The following TENM1 variants were observed in gnomAD, a reference collection of about 807,000 sequenced individuals.
TENM1 encodes the protein teneurin transmembrane protein 1, also known as teneurin-1.
In TENM1, 35 loss-of-function variants were observed where a neutral mutation model predicts 174.8. That is an observed-to-expected ratio of 0.20 (90% CI 0.15 to 0.27). The LOEUF is 0.27. Ranked by LOEUF, TENM1 falls within the 10% of genes least tolerant of loss-of-function variation. TENM1 has a pLI of 1.00. For missense variants in TENM1, 1,633 were observed against 2,130.1 expected (o/e 0.77, Z 4.59); for synonymous variants, 781 against 798.7 (o/e 0.98, Z 0.37).
intron 3 of TENM1, among the ~76,000 whole-genome samples, chrX:124,752,285 GTCT>G (rs2054094543): frequency 8.9e-6 from 1 of 111,977 alleles, no homozygotes; most frequent in Admixed American, 9.5e-5. Flanking sequence ...CTGCATAAAT[GTCT>G]TCTTTTGAGA....
chrX:125,048,967 G>T, the TENM1 span, among the ~76,000 whole-genome samples: 2 of 111,438 alleles, frequency 1.8e-5, no homozygotes, highest in Non-Finnish European at 3.8e-5. Flanking sequence ...TAATAGTACC[G>T]ATGTACATAT....
the TENM1 span, among the ~76,000 whole-genome samples, chrX:124,975,890 A>G: frequency 9.0e-6 from 1 of 111,492 alleles, no homozygotes; most frequent in South Asian, 3.7e-4. Flanking sequence ...TCTAAAAGGA[A>G]GCTCTAGACC....
the TENM1 span, among the ~76,000 whole-genome samples, chrX:125,044,362 A>C: frequency 0.24 from 25,838 of 108,862 alleles, 3,109 homozygotes; most frequent in African/African-American, 0.46. Context: ...CTGAGGTGGA[A>C]GGATCTCTTG....
the TENM1 span, among the ~76,000 whole-genome samples, chrX:125,055,678 G>C: frequency 8.9e-6 from 1 of 111,874 alleles, no homozygotes; most frequent in East Asian, 2.8e-4. Flanking sequence ...GTTCTGAAAA[G>C]GAACAGACCA....
chrX:124,565,656 T>C, intron 11 of TENM1, 96 bp from the exon 15 acceptor site: 4 of 539,263 alleles, frequency 7.4e-6, no homozygotes, highest in Non-Finnish European at 1.0e-5. Flanking sequence ...TCCCTGTCTA[T>C]ATTTATATTT....
the TENM1 span, among the ~76,000 whole-genome samples, chrX:124,981,677 T>G: frequency 2.7e-5 from 3 of 111,382 alleles, no homozygotes; most frequent in Non-Finnish European, 5.7e-5. Flanking sequence ...GCAATATGTT[T>G]GACCCATTTG....
chrX:124,497,876 T>C (rs1348118262), intron 19 of TENM1, among the ~76,000 whole-genome samples: 1 of 111,770 alleles, frequency 8.9e-6, no homozygotes, highest in African/African-American at 3.2e-5. Flanking sequence ...AGATACTGAC[T>C]TATGAAAATG....
chrX:124,690,484 A>AGTGT (rs58386633), intron 5 of TENM1, among the ~76,000 whole-genome samples: 3,452 of 93,405 alleles, frequency 0.037, 63 homozygotes, highest in East Asian at 0.11. Context: ...GCTTTGTTAG[A>AGTGT]GTGTGTGTGT....
intron 23 of TENM1, among the ~76,000 whole-genome samples, chrX:124,441,135 T>G (rs997494989): frequency 2.7e-5 from 3 of 111,942 alleles, no homozygotes; most frequent in Non-Finnish European, 5.6e-5. Context: ...GTGGAGAAAC[T>G]CAGGCTCAGA....
At chrX:124,615,843 A>C (rs1290674796) in intron 11 of TENM1, among the ~76,000 whole-genome samples, 1 of 111,916 alleles carries the variant, frequency 8.9e-6, no homozygotes, top group Non-Finnish European at 1.9e-5. Flanking sequence ...TTTACATGTT[A>C]TGTCATTTCA....
chrX:124,580,327 T>C (rs987223430), intron 11 of TENM1, among the ~76,000 whole-genome samples: 3 of 111,201 alleles, frequency 2.7e-5, no homozygotes, highest in African/African-American at 9.8e-5. Flanking sequence ...TGGAGGATGT[T>C]ACGCTAAGTG....
chrX:125,105,294 TG>T, the TENM1 span, among the ~76,000 whole-genome samples: 1 of 111,412 alleles, frequency 9.0e-6, no homozygotes, highest in Non-Finnish European at 1.9e-5. Flanking sequence ...CGCAAAGCCT[TG>T]GACCAAGCTG....
At chrX:124,853,398 C>T (rs2056759173) in intron 3 of TENM1, among the ~76,000 whole-genome samples, 2 of 110,839 alleles carry the variant, frequency 1.8e-5, no homozygotes, top group Admixed American at 1.9e-4. Flanking sequence ...ATTAATAATG[C>T]AAGCGAGAAG....
intron 3 of TENM1, among the ~76,000 whole-genome samples, chrX:124,886,538 T>TAG (rs1471672479): frequency 1.3e-4 from 12 of 91,217 alleles, no homozygotes; most frequent in Admixed American, 3.7e-4. Flanking sequence ...TATATATATA[T>TAG]ATATATATAT....
chrX:124,518,590 C>A (rs2047771578), intron 18 of TENM1, among the ~76,000 whole-genome samples: 1 of 111,736 alleles, frequency 8.9e-6, no homozygotes, highest in African/African-American at 3.3e-5. Context: ...GCAATACCAG[C>A]AACTGACATT....
At chrX:124,586,488 C>T (rs773200041) in intron 11 of TENM1, among the ~76,000 whole-genome samples, 35 of 111,268 alleles carry the variant, frequency 3.1e-4, no homozygotes, top group East Asian at 1.4e-3. Context: ...AATTCAACAA[C>T]GCTTCATGCT....
At chrX:124,572,771 G>A (rs1409072385) in intron 11 of TENM1, among the ~76,000 whole-genome samples, 1 of 110,058 alleles carries the variant, frequency 9.1e-6, no homozygotes, top group East Asian at 2.8e-4. Flanking sequence ...CTAAATAAAA[G>A]GTTCCATTAA....
intron 3 of TENM1, among the ~76,000 whole-genome samples, chrX:124,810,372 T>TA (rs1157313932): frequency 1.8e-5 from 2 of 111,498 alleles, no homozygotes; most frequent in East Asian, 5.6e-4. Context: ...AGTTGCAGGA[T>TA]AAAAAATCAA....
the TENM1 span, among the ~76,000 whole-genome samples, chrX:125,060,478 A>T: frequency 9.0e-6 from 1 of 111,378 alleles, no homozygotes; most frequent in Non-Finnish European, 1.9e-5. Context: ...TAGTGTTTTC[A>T]AATCTCTGTG....
Sources: allele counts gnomAD v4.1 joint callset (sites outside exome capture counted in the v4.1 genomes callset), GRCh38; gene constraint gnomAD v4.1.1; transcripts MANE v1.5; gene names NCBI Gene and HGNC (gene_info 2026-07-23, HGNC 2026-07-21).